Variants in BRD4 observed in about 807,000 individuals in gnomAD.
The protein encoded by BRD4 is bromodomain-containing protein 4.
A neutral mutation model predicts 142.1 loss-of-function variants in BRD4; 16 were observed. That is an observed-to-expected ratio of 0.11 (90% CI 0.08 to 0.17). BRD4 has a LOEUF of 0.17. BRD4 is among the 10% of genes least tolerant of loss of function. The pLI, the probability that BRD4 is intolerant of heterozygous loss-of-function variation, is 1.00. For missense variants in BRD4, 1,424 were observed against 1,810.9 expected (o/e 0.79, Z 3.88); for synonymous variants, 833 against 707.5 (o/e 1.18, Z -2.82).
chr19:15,302,368 C>T (rs555195184), intron 1 of BRD4, among the ~76,000 whole-genome samples: 2 of 152,252 alleles, frequency 1.3e-5, no homozygotes, highest in South Asian at 4.1e-4. Context: ...CCATGCTAAC[C>T]TGGGGGACTC....
At chr19:15,245,396 G>T (rs1480052884) in intron 11 of BRD4, among the ~76,000 whole-genome samples, 2 of 152,266 alleles carry the variant, frequency 1.3e-5, no homozygotes, top group Non-Finnish European at 2.9e-5. Context: ...GAAAAAAAAG[G>T]AGCAGGCTGG....
intron 11 of BRD4, chr19:15,253,263 G>C (rs2047367047): frequency 2.1e-6 from 1 of 482,634 alleles, no homozygotes; most frequent in African/African-American, 2.0e-5. Context: ...CAGGCCTTCT[G>C]GGCACCATGG....
rs1247938034 is a variant in BRD4, at chr19:15,263,491, A to G, written c.1270T>C (p.Leu424=). ...DAQEFGADVR[L]MFSNCYKYNP... ...TACTTATAGCAGTTGGAGAACATCA[A>G]TCGGACGTCAGCACCAAACTCCTGA... Residue 424 remains leucine, a synonymous_variant, in exon 7 of 20, where the codon TTG becomes CTG. Transcript: ENST00000679869. 6.2e-7 allele frequency: 1 copy of G among 1,614,186 alleles called. No individual in the cohort carries two copies. The highest frequency in any genetic ancestry group is 1.1e-5 in the South Asian group (1 of 91,072).
intron 14 of BRD4, among the ~76,000 whole-genome samples, chr19:15,240,737 C>A (rs990103246): frequency 6.6e-6 from 1 of 152,200 alleles, no homozygotes; most frequent in South Asian, 2.1e-4. Context: ...GCCAGCACCT[C>A]GGGACTGTGC....
intron 1 of BRD4, among the ~76,000 whole-genome samples, chr19:15,316,457 G>A (rs2048019222): frequency 6.6e-6 from 1 of 152,068 alleles, no homozygotes; most frequent in African/African-American, 2.4e-5. Flanking sequence ...CGGGCATGGT[G>A]GCGCATGCCT....
At chr19:15,287,330 T>A (rs1382485509) in intron 1 of BRD4, among the ~76,000 whole-genome samples, 1 of 152,208 alleles carries the variant, frequency 6.6e-6, no homozygotes, top group Admixed American at 6.5e-5. Context: ...ACTTTAACCA[T>A]TTTTTACTGT....
intron 1 of BRD4, among the ~76,000 whole-genome samples, chr19:15,292,566 CAG>C (rs2047790149): frequency 6.6e-6 from 1 of 152,010 alleles, no homozygotes; most frequent in African/African-American, 2.4e-5. Context: ...ATCACGAGGT[CAG>C]GAGATCGAGA....
At chr19:15,272,689 G>T in intron 2 of BRD4, 126 bp downstream of exon 2, 1 of 839,768 alleles carries the variant, frequency 1.2e-6, no homozygotes, top group Non-Finnish European at 1.8e-6. Context: ...TCACTCAAGG[G>T]CCCTGCAGCT....
intron 1 of BRD4, among the ~76,000 whole-genome samples, chr19:15,274,157 C>T (rs1480565786): frequency 6.6e-6 from 1 of 152,156 alleles, no homozygotes; most frequent in African/African-American, 2.4e-5. Flanking sequence ...TTGCTGGGAA[C>T]CTTGGGTCCA....
intron 1 of BRD4, among the ~76,000 whole-genome samples, chr19:15,315,207 C>T (rs755317389): frequency 6.6e-6 from 1 of 151,898 alleles, no homozygotes; most frequent in Non-Finnish European, 1.5e-5. Flanking sequence ...AATGAGATCA[C>T]GTGTCATTTT....
At chr19:15,300,243 C>T (rs748409362) in intron 1 of BRD4, among the ~76,000 whole-genome samples, 1 of 151,942 alleles carries the variant, frequency 6.6e-6, no homozygotes, top group South Asian at 2.1e-4. Context: ...GACCCTGATC[C>T]GATAAATAAA....
At chr19:15,268,096 A>T (rs2047553389) in intron 3 of BRD4, 1 of 152,682 alleles carries the variant, frequency 6.5e-6, no homozygotes, top group Non-Finnish European at 1.5e-5. Context: ...CATTTTGCTC[A>T]AACCTAAGTG....
At position 15,265,649 on chromosome 19, in the gene BRD4, A is replaced by T. The variant is rs1322909988; in HGVS notation, c.560-6T>A. 5.0e-6 allele frequency: 8 copies of T among 1,614,106 alleles called. No individual in the cohort carries two copies. Among genetic ancestry groups the T allele is most frequent in the Admixed American group, 3.3e-5 (2 of 60,016 alleles). On this transcript the variant is annotated splice_region_variant and splice_polypyrimidine_tract_variant and intron_variant, in intron 4 of 19. Coordinates refer to ENST00000679869, the MANE Select transcript of BRD4 (RefSeq NM_001379291.1). ...AACGCCAGGTTTTGCTGTCCCTACA[A>T]ATCATAATAAGACGGCGAGTTAGAG... is the stretch of plus-strand genomic sequence containing the variant.
chr19:15,327,678 T>C (rs528818189), intron 1 of BRD4, among the ~76,000 whole-genome samples: 50 of 152,206 alleles, frequency 3.3e-4, no homozygotes, highest in Middle Eastern at 3.4e-3. Context: ...AGCCATATAA[T>C]GGAGTATCAT....
At chr19:15,266,374 G>A (rs2047534693) in intron 4 of BRD4, among the ~76,000 whole-genome samples, 1 of 152,182 alleles carries the variant, frequency 6.6e-6, no homozygotes, top group East Asian at 1.9e-4. Flanking sequence ...AGCTCAAGCA[G>A]CACCCATGTT....
At chr19:15,256,816 T>C (rs2047414203) in intron 8 of BRD4, 148 bp downstream of exon 8, 2 of 686,570 alleles carry the variant, frequency 2.9e-6, no homozygotes, top group Non-Finnish European at 2.4e-6. Context: ...GCATTTGACC[T>C]AGCAAAGGGG....
rs1599429584 is a variant in BRD4, at chr19:15,239,697, T to A, written c.3407A>T (p.His1136Leu). 1 of 1,594,100 alleles carries A rather than the reference T, an allele frequency of 6.3e-7. No homozygotes were observed. Among genetic ancestry groups the A allele is most frequent in the Non-Finnish European group, 8.5e-7 (1 of 1,177,416 alleles). ...GACGGGGGCCTTGATGCTCTCCGGG[T>A]GCTTGGGGGGCTCCGGCCGCAGCGA... ...SPSLRPEPPKHPESIKAPVHL... is the reference protein window; with the variant it reads ...SPSLRPEPPKLPESIKAPVHL... The change falls in exon 16 of 20, where the codon CAC (histidine) becomes CTC (leucine). Residue 1136 changes from histidine to leucine, a missense_variant. By Grantham distance (99) the His-to-Leu change is moderately conservative (BLOSUM62 -3). Transcript: ENST00000679869. The surrounding 1 kb of genome is among the most constrained non-coding windows in gnomAD (Gnocchi z 7.4).
rs907820975 is a variant in BRD4, at chr19:15,236,146, A to C, written c.*2231T>G. 2.0e-5 allele frequency: 3 copies of C among 152,220 alleles called. No homozygotes were observed. The highest frequency in any genetic ancestry group is 4.4e-5 in the Non-Finnish European group (3 of 68,038). The allele number at this position is 152,220 out of a possible 1,614,324, so 9.4% of individuals were successfully genotyped here. ...ATCCAAAGACAATAAAGGACCTTTC[A>C]GGTCAAAAAGAGGGGATGTAGGAGA... On this transcript the variant is annotated 3_prime_UTR_variant, in exon 20 of 20. Coordinates refer to ENST00000679869, the MANE Select transcript of BRD4 (RefSeq NM_001379291.1).
At chr19:15,319,906 G>A (rs1487362123) in intron 1 of BRD4, among the ~76,000 whole-genome samples, 9 of 151,520 alleles carry the variant, frequency 5.9e-5, no homozygotes, top group Non-Finnish European at 1.0e-4. Context: ...ACTGCACTAC[G>A]GCCTGGGCAA....
Sources: gnomAD v4.1 joint callset for allele counts (sites outside exome capture counted in the v4.1 genomes callset) on GRCh38, gnomAD v4.1.1 for gene constraint, Gnocchi (gnomAD v3.1) non-coding constraint, MANE v1.5 for transcripts, NCBI Gene and HGNC (gene_info 2026-07-23, HGNC 2026-07-21) for gene names.